Variants in CACNA1C observed in about 807,000 individuals in gnomAD.
The protein encoded by CACNA1C is calcium voltage-gated channel subunit alpha1 C.
Under a neutral mutation model 229.0 loss-of-function variants are expected in CACNA1C, and 30 were observed. That is an observed-to-expected ratio of 0.13 (90% CI 0.10 to 0.18). The LOEUF (loss-of-function observed/expected upper bound fraction) is 0.18. Among genes scored for constraint, CACNA1C ranks in the 10% least tolerant of loss-of-function variants. CACNA1C has a pLI of 1.00. For synonymous variants in CACNA1C, 1,114 were observed against 1,132.5 expected (o/e 0.98, Z 0.33); for missense variants, 1,658 against 2,845.0 (o/e 0.58, Z 9.49).
chr12:2,160,030 G>C (rs1447043200), intron 3 of CACNA1C, among the ~76,000 whole-genome samples: 1 of 152,142 alleles, frequency 6.6e-6, no homozygotes, highest in African/African-American at 2.4e-5. Flanking sequence ...ATTTCCCCTT[G>C]TTTTCATTGC....
At chr12:2,529,826 C>T (rs535957952) in intron 9 of CACNA1C, among the ~76,000 whole-genome samples, 4 of 152,350 alleles carry the variant, frequency 2.6e-5, no homozygotes, top group African/African-American at 9.6e-5. Flanking sequence ...CTCATTTTAT[C>T]CTTTCTCAGG....
At chr12:2,399,288 C>T (rs936135786) in intron 3 of CACNA1C, among the ~76,000 whole-genome samples, 4 of 152,164 alleles carry the variant, frequency 2.6e-5, no homozygotes, top group Admixed American at 1.3e-4. Context: ...AAATGTTAAA[C>T]CAGGTCAGTG....
intron 5 of CACNA1C, among the ~76,000 whole-genome samples, chr12:2,475,168 G>T (rs2099618735): frequency 6.6e-6 from 1 of 152,012 alleles, no homozygotes; most frequent in South Asian, 2.1e-4. Flanking sequence ...GCGCAGTAGT[G>T]GGCGCCTGTA....
chr12:2,072,922 C>T (rs955166508), intron 1 of CACNA1C, among the ~76,000 whole-genome samples: 1 of 152,118 alleles, frequency 6.6e-6, no homozygotes, highest in Non-Finnish European at 1.5e-5. Context: ...CCAATTTTGA[C>T]AGCCATGTAT....
At chr12:2,301,866 C>T (rs1387312027) in intron 3 of CACNA1C, among the ~76,000 whole-genome samples, 1 of 152,170 alleles carries the variant, frequency 6.6e-6, no homozygotes, top group Non-Finnish European at 1.5e-5. Context: ...GTTTAATGTT[C>T]CTTAGTTGTT....
rs1333183357 is a variant in CACNA1C, at chr12:2,112,451, G to GGC, written c.50-2773_50-2772insGC. Among the ~76,000 whole-genome samples, 23 of 146,000 alleles carry GGC rather than the reference G, an allele frequency of 1.6e-4. No individual in the cohort carries two copies. In the East Asian group the frequency reaches 3.8e-3, roughly 24 times the overall value. On this transcript the variant is annotated intron_variant, in intron 1 of 46. Coordinates refer to ENST00000399655, the MANE Select transcript of CACNA1C (RefSeq NM_000719.7). ...ACGTCCTCCGTGAGCCTGATGTTCT[G>GGC]TTTAATGCAGTTTATCCCTGGGGCA...
chr12:2,009,414 A>G (rs925537153), intron 1 of CACNA1C, among the ~76,000 whole-genome samples: 4 of 152,354 alleles, frequency 2.6e-5, no homozygotes, highest in Admixed American at 6.5e-5. Flanking sequence ...ATGTTTGCAT[A>G]CAAATATAGA....
chr12:2,293,910 AT>A (rs146482058), intron 3 of CACNA1C, among the ~76,000 whole-genome samples: 7,078 of 152,240 alleles, frequency 0.046, 202 homozygotes, highest in Middle Eastern at 0.068. Flanking sequence ...ATAATTTATC[AT>A]TTTTTTCTTA....
intron 3 of CACNA1C, among the ~76,000 whole-genome samples, chr12:2,169,031 G>T (rs1696452102): frequency 6.6e-6 from 1 of 152,090 alleles, no homozygotes; most frequent in South Asian, 2.1e-4. Flanking sequence ...GCTGGGGAGG[G>T]GATCCAAAGT....
At chr12:2,028,796 GTGA>G (rs2047747823) in intron 1 of CACNA1C, among the ~76,000 whole-genome samples, 1 of 152,122 alleles carries the variant, frequency 6.6e-6, no homozygotes, top group Non-Finnish European at 1.5e-5. Context: ...GTAAAAGGCT[GTGA>G]TGATGATGAA....
intron 5 of CACNA1C, among the ~76,000 whole-genome samples, chr12:2,468,800 G>T (rs1211029911): frequency 2.6e-5 from 4 of 152,232 alleles, no homozygotes; most frequent in Non-Finnish European, 5.9e-5. Flanking sequence ...TCTAAGTCTG[G>T]CCAGCTGTGT....
rs1291866643 is a variant in CACNA1C, at chr12:2,697,572, TGCCTGTTATCA to T, written c.*6375_*6385del. ...TCATCCCCCAAACCAATCTGTATCA[TGCCTGTTATCA>T]GAGAGGCACAGAAAGATGGGCAGTG... On this transcript the variant is annotated 3_prime_UTR_variant, in exon 47 of 47. Transcript: ENST00000399655. 2.0e-5 allele frequency: 3 copies of T among 152,128 alleles called. No individual in the cohort carries two copies. In the East Asian group the frequency reaches 5.8e-4, roughly 29 times the overall value. The allele number at this position is 152,128 out of a possible 1,614,324, so 9.4% of individuals were successfully genotyped here. A position where few individuals can be genotyped will look rare whatever the true frequency, so the allele number is the denominator to read the frequency against.
At chr12:2,535,733 AC>A (rs2099853073) in intron 9 of CACNA1C, among the ~76,000 whole-genome samples, 2 of 146,028 alleles carry the variant, frequency 1.4e-5, no homozygotes, top group Non-Finnish European at 3.0e-5. Flanking sequence ...AAAAAAAAAA[AC>A]CTAAAACTAA....
chr12:2,267,942 A>G (rs1483717436), intron 3 of CACNA1C, among the ~76,000 whole-genome samples: 1 of 152,226 alleles, frequency 6.6e-6, no homozygotes, highest in African/African-American at 2.4e-5. Context: ...TTCAGGATCG[A>G]TTGCACATAA....
At position 2,034,686 on chromosome 12, in the gene CACNA1C, T is replaced by C. The variant is rs1332408690; in HGVS notation, c.139+63485T>C. Among the ~76,000 whole-genome samples, 2 of 152,218 alleles carry C rather than the reference T, an allele frequency of 1.3e-5. No homozygotes were observed. Among genetic ancestry groups the C allele is most frequent in the African/African-American group, 4.8e-5 (2 of 41,456 alleles). On this transcript the variant is annotated intron_variant, in intron 1 of 46. Transcript: ENST00000682462. This position sits in a 1 kb window ranked among gnomAD's most constrained non-coding sequence, Gnocchi z 4.1. Reference sequence around the variant, plus strand: ...GCTAACTGGCTCATCTAGTGTGATTTAAGCTCGTAGTTTCCCATTCATGTA... The same window carrying C: ...GCTAACTGGCTCATCTAGTGTGATTCAAGCTCGTAGTTTCCCATTCATGTA...
At chr12:2,342,973 C>T (rs751099871) in intron 3 of CACNA1C, among the ~76,000 whole-genome samples, 1 of 152,208 alleles carries the variant, frequency 6.6e-6, no homozygotes, top group Non-Finnish European at 1.5e-5. Context: ...TATATCAGCT[C>T]TGCAAGGCAG....
chr12:2,393,930 A>G (rs2098529512), intron 3 of CACNA1C, among the ~76,000 whole-genome samples: 1 of 151,850 alleles, frequency 6.6e-6, no homozygotes, highest in Admixed American at 6.6e-5. Flanking sequence ...ACATAGCCAG[A>G]TCCCATCTCT....
intron 3 of CACNA1C, among the ~76,000 whole-genome samples, chr12:2,286,567 G>A (rs1390886966): frequency 3.3e-5 from 5 of 152,126 alleles, no homozygotes; most frequent in Non-Finnish European, 5.9e-5. Flanking sequence ...GGTGGCTGAA[G>A]AACAGGTCTG....
At chr12:1,996,766 A>C (rs2041028163) in intron 1 of CACNA1C, among the ~76,000 whole-genome samples, 1 of 152,052 alleles carries the variant, frequency 6.6e-6, no homozygotes, top group East Asian at 1.9e-4. Context: ...AGCTTGCGAT[A>C]AAGCCTTCCA....
Sources: gnomAD v4.1 joint callset for allele counts (sites outside exome capture counted in the v4.1 genomes callset) on GRCh38, gnomAD v4.1.1 for gene constraint, Gnocchi (gnomAD v3.1) non-coding constraint, MANE v1.5 for transcripts, NCBI Gene and HGNC (gene_info 2026-07-23, HGNC 2026-07-21) for gene names.